RELN: variants seen among roughly 807,000 people sequenced by gnomAD.
RELN encodes the protein reelin.
Under a neutral mutation model 427.6 loss-of-function variants are expected in RELN, and 108 were observed. The observed-to-expected ratio is 0.25, with a 90% CI of 0.22 to 0.30. The LOEUF is 0.30. Among genes scored for constraint, RELN ranks in the 10% least tolerant of loss-of-function variants. The pLI is 1.00. For synonymous variants in RELN, 1,524 were observed against 1,513.4 expected, an observed-to-expected ratio of 1.01 and a Z score of -0.16; for missense variants, 3,715 against 4,302.8, an observed-to-expected ratio of 0.86 and a Z score of 3.82.
chr7:103,677,703 T>C (rs1584400133), intron 11 of RELN, among the ~76,000 whole-genome samples: 2 of 137,530 alleles, frequency 1.5e-5, no homozygotes, highest in South Asian at 4.7e-4. Context: ...GAGGCGGAGG[T>C]TGCAGTAAGC....
chr7:103,649,365 C>T (rs1030418626), intron 16 of RELN, among the ~76,000 whole-genome samples: 11 of 151,822 alleles, frequency 7.2e-5, no homozygotes, highest in Non-Finnish European at 4.4e-5. Flanking sequence ...CACTTATAAG[C>T]GGGAGCTAAA....
At chr7:103,934,361 A>G (rs977966462) in intron 1 of RELN, among the ~76,000 whole-genome samples, 2 of 152,106 alleles carry the variant, frequency 1.3e-5, no homozygotes, top group African/African-American at 2.4e-5. Flanking sequence ...TTCTTGTTTC[A>G]TGATACACTT....
intron 10 of RELN, among the ~76,000 whole-genome samples, chr7:103,691,671 G>C (rs939802928): frequency 6.6e-6 from 1 of 151,934 alleles, no homozygotes; most frequent in Non-Finnish European, 1.5e-5. Context: ...AACTTAGCCG[G>C]GTGTGGTGGC....
At chr7:103,783,381 G>A (rs1791942706) in intron 3 of RELN, among the ~76,000 whole-genome samples, 1 of 152,008 alleles carries the variant, frequency 6.6e-6, no homozygotes, top group African/African-American at 2.4e-5. Context: ...ATAGCTTCAA[G>A]GAGTAATTAT....
chr7:103,718,467 T>C (rs1298152945), intron 8 of RELN, among the ~76,000 whole-genome samples: 1 of 152,190 alleles, frequency 6.6e-6, no homozygotes, highest in African/African-American at 2.4e-5. Flanking sequence ...GTTAGCTCAG[T>C]AATTACGTAC....
chr7:103,975,797 T>G, intron 1 of RELN, among the ~76,000 whole-genome samples: 1 of 149,866 alleles, frequency 6.7e-6, no homozygotes, highest in Non-Finnish European at 1.5e-5. Flanking sequence ...CCGCCCACCT[T>G]GGCATCCCAA....
rs1291645171 is a variant in RELN at position 103,569,934 on chromosome 7, A to G, written c.4588+2250T>C. ...TATGCCCAGTCTTACTGAAAATAGC[A>G]TAATTTTGATTTTAATTCCAAATAT... On this transcript the variant is annotated intron_variant, in intron 31 of 64. Transcript: ENST00000428762. The surrounding 1 kb of genome is among the most constrained non-coding windows in gnomAD (Gnocchi z 4.0). Among the ~76,000 whole-genome samples the G allele has an allele frequency of 6.6e-6, 1 of 152,220 alleles. No homozygotes were observed. Among genetic ancestry groups the G allele is most frequent in the East Asian group, 1.9e-4 (1 of 5,200 alleles).
At chr7:103,704,320 A>G (rs1834155094) in intron 8 of RELN, among the ~76,000 whole-genome samples, 1 of 152,038 alleles carries the variant, frequency 6.6e-6, no homozygotes, top group Non-Finnish European at 1.5e-5. Flanking sequence ...CTGGCTTTTA[A>G]AAAATTTCTA....
intron 46 of RELN, among the ~76,000 whole-genome samples, chr7:103,526,126 G>A (rs1166111552): frequency 6.6e-6 from 1 of 152,228 alleles, no homozygotes; most frequent in Non-Finnish European, 1.5e-5. Context: ...CCGAGAGGTG[G>A]CATGGGTTGC....
intron 48 of RELN, among the ~76,000 whole-genome samples, chr7:103,521,391 A>G (rs1284214411): frequency 6.6e-6 from 1 of 152,220 alleles, no homozygotes; most frequent in African/African-American, 2.4e-5. Flanking sequence ...AAATTTCCCA[A>G]AGAAAGTTTC....
chr7:103,489,123 G>GT (rs1285462236), intron 60 of RELN, among the ~76,000 whole-genome samples: 4 of 152,232 alleles, frequency 2.6e-5, no homozygotes, highest in Middle Eastern at 3.4e-3. Flanking sequence ...GAAGGGTCGA[G>GT]TAGATACTCT....
intron 33 of RELN, 38 bp downstream of exon 33, chr7:103,566,186 A>T (rs1830746336): frequency 6.6e-7 from 1 of 1,523,252 alleles, no homozygotes; most frequent in Non-Finnish European, 9.1e-7. Flanking sequence ...TCCTCTAGTT[A>T]ATCAGATATT....
chr7:103,659,933 G>A (rs1344354594), intron 12 of RELN, among the ~76,000 whole-genome samples: 1 of 151,990 alleles, frequency 6.6e-6, no homozygotes, highest in Admixed American at 6.6e-5. Context: ...TGAATGAAGA[G>A]GCTTTTACTT....
chr7:103,650,296 T>C lies in RELN; in HGVS notation c.1980A>G (p.Gly660=). The change falls in exon 16 of 65, where the codon GGA becomes GGG. Residue 660 remains glycine, a synonymous_variant. Coordinates refer to ENST00000428762, the MANE Select transcript of RELN (RefSeq NM_005045.4). ...AACCATTATCAATTGCCCACATGTT[T>C]CCAAGGATTGGTCCTGTTTGTCTCC... The part of the protein sequence containing the change: ...IRWRQTGPIL[G]NMWAIDNVYI... 1 of 1,608,668 alleles carries C rather than the reference T, an allele frequency of 6.2e-7. No homozygotes were observed. Among genetic ancestry groups the C allele is most frequent in the African/African-American group, 1.3e-5 (1 of 74,874 alleles).
intron 3 of RELN, among the ~76,000 whole-genome samples, chr7:103,790,021 C>A (rs1469292050): frequency 6.6e-6 from 1 of 152,156 alleles, no homozygotes; most frequent in Admixed American, 6.5e-5. Flanking sequence ...AGAATGAGTT[C>A]ATGTCCTTTG....
At chr7:103,816,566 C>CACACACACACACACACACAA (rs1304995965) in intron 3 of RELN, among the ~76,000 whole-genome samples, 1 of 150,724 alleles carries the variant, frequency 6.6e-6, no homozygotes, top group Non-Finnish European at 1.5e-5. Flanking sequence ...CACACACACA[C>CACACACACACACACACACAA]AACTAAGGCC....
At chr7:103,745,259 T>C (rs1188935947) in intron 6 of RELN, among the ~76,000 whole-genome samples, 1 of 152,008 alleles carries the variant, frequency 6.6e-6, no homozygotes, top group African/African-American at 2.4e-5. Context: ...ATTGATGGGA[T>C]GTATCTCAAA....
intron 1 of RELN, among the ~76,000 whole-genome samples, chr7:103,975,541 A>G (rs1276462247): frequency 1.3e-5 from 2 of 149,150 alleles, no homozygotes; most frequent in South Asian, 2.1e-4. Flanking sequence ...TTATTTATTT[A>G]TTTATTTATT....
At chr7:103,680,281 A>C (rs920809981) in intron 11 of RELN, among the ~76,000 whole-genome samples, 7 of 152,044 alleles carry the variant, frequency 4.6e-5, no homozygotes, top group African/African-American at 1.7e-4. Context: ...GAGGAAATGC[A>C]TCTCTTTAGC....
Sources: allele counts gnomAD v4.1 joint callset (sites outside exome capture counted in the v4.1 genomes callset), GRCh38; gene constraint gnomAD v4.1.1; non-coding constraint Gnocchi (gnomAD v3.1); transcripts MANE v1.5; gene names NCBI Gene and HGNC (gene_info 2026-07-23, HGNC 2026-07-21).